The following TAFA1 variants were observed in gnomAD, a reference collection of about 807,000 sequenced individuals.
The protein encoded by TAFA1 is chemokine-like protein TAFA-1.
A neutral mutation model predicts 18.5 loss-of-function variants in TAFA1; 4 were observed. That is an observed-to-expected ratio of 0.22 (90% confidence interval 0.11 to 0.49). The LOEUF (loss-of-function observed/expected upper bound fraction) is 0.49, where lower values mean the gene tolerates loss of function less well. Among genes scored for constraint, TAFA1 ranks in the 20% least tolerant of loss-of-function variants. TAFA1 has a pLI of 0.98. For synonymous variants in TAFA1, 56 were observed against 55.2 expected (o/e 1.01, Z -0.06); for missense variants, 147 against 169.0 (o/e 0.87, Z 0.72).
At chr3:68,152,953 G>T (rs1019345123) in intron 2 of TAFA1, among the ~76,000 whole-genome samples, 7 of 152,088 alleles carry the variant, frequency 4.6e-5, no homozygotes, top group African/African-American at 1.7e-4. Context: ...GGAATGGAGA[G>T]TGGGACCAGC....
At chr3:68,429,307 G>C (rs1322314800) in intron 3 of TAFA1, among the ~76,000 whole-genome samples, 3 of 151,874 alleles carry the variant, frequency 2.0e-5, no homozygotes, top group Non-Finnish European at 2.9e-5. Context: ...CTGTGTGCCA[G>C]ACTCTGTGTA....
At chr3:68,117,169 A>G (rs916643264) in intron 2 of TAFA1, among the ~76,000 whole-genome samples, 5 of 152,064 alleles carry the variant, frequency 3.3e-5, no homozygotes, top group African/African-American at 1.2e-4. Context: ...CTTCTTGGAA[A>G]CTTACTCTCC....
chr3:68,092,054 A>G (rs2065036085), intron 2 of TAFA1, among the ~76,000 whole-genome samples: 1 of 152,094 alleles, frequency 6.6e-6, no homozygotes, highest in Non-Finnish European at 1.5e-5. Flanking sequence ...TTATCTCCCA[A>G]ATCACAAAAC....
rs190675049 is a variant in TAFA1, at chr3:68,362,661, C to T, written c.119-54619C>T. Among the ~76,000 whole-genome samples the T allele has an allele frequency of 2.2e-4, 33 of 152,204 alleles. No homozygotes were observed. The East Asian group carries it at 6.2e-3, about 29-fold the overall frequency. ...TGGAAATGCAGTTCAACCCTTCCTG[C>T]AGTGAATGTGAAGTCATAAGGAGTT... is the stretch of plus-strand genomic sequence containing the variant. On this transcript the variant is annotated intron_variant, in intron 2 of 4. Transcript: ENST00000478136.
chr3:68,508,817 G>A (rs1284765387), intron 3 of TAFA1, among the ~76,000 whole-genome samples: 1 of 152,046 alleles, frequency 6.6e-6, no homozygotes, highest in Non-Finnish European at 1.5e-5. Flanking sequence ...ATTAAATAAA[G>A]TGGTATAGAT....
At chr3:68,274,057 A>C (rs886671555) in intron 2 of TAFA1, among the ~76,000 whole-genome samples, 2 of 152,190 alleles carry the variant, frequency 1.3e-5, no homozygotes, top group African/African-American at 4.8e-5. Flanking sequence ...AAGAAATAAG[A>C]AATGAGTGCA....
intron 3 of TAFA1, among the ~76,000 whole-genome samples, chr3:68,503,654 TA>T (rs2072699060): frequency 6.6e-6 from 1 of 152,184 alleles, no homozygotes; most frequent in Non-Finnish European, 1.5e-5. Flanking sequence ...TTGTACACTT[TA>T]AAATACTTGA....
intron 2 of TAFA1, among the ~76,000 whole-genome samples, chr3:68,373,341 C>G (rs1290543707): frequency 6.6e-6 from 1 of 152,072 alleles, no homozygotes; most frequent in Non-Finnish European, 1.5e-5. Context: ...AACTGAGGTT[C>G]AGAAATCATG....
intron 2 of TAFA1, among the ~76,000 whole-genome samples, chr3:68,126,284 A>C (rs1319274368): frequency 6.6e-6 from 1 of 152,202 alleles, no homozygotes; most frequent in Non-Finnish European, 1.5e-5. Flanking sequence ...ATGCTAGCTG[A>C]ATGATGGAGT....
At chr3:68,165,067 GCCAA>G (rs2065968259) in intron 2 of TAFA1, among the ~76,000 whole-genome samples, 1 of 152,140 alleles carries the variant, frequency 6.6e-6, no homozygotes, top group African/African-American at 2.4e-5. Flanking sequence ...TAAAGTTCAG[GCCAA>G]GGGACAGCAA....
intron 2 of TAFA1, among the ~76,000 whole-genome samples, chr3:68,241,401 T>A (rs902341959): frequency 1.3e-5 from 2 of 152,136 alleles, no homozygotes; most frequent in African/African-American, 4.8e-5. Context: ...CAATACTATT[T>A]CCACAGGAGA....
Position 68,341,485 on chromosome 3 carries a change from A to C in TAFA1, c.119-75795A>C, listed in dbSNP as rs150596745. Among the ~76,000 whole-genome samples, 64 of 152,326 alleles carry C rather than the reference A, an allele frequency of 4.2e-4. No homozygotes were observed. The East Asian group carries it at 9.8e-3, about 23-fold the overall frequency. The stretch of plus-strand genomic sequence containing the variant: ...AATTTGGGGAGGTTCAAACTCTTGC[A>C]GCTAGAGGCTGCATGGCTCCTAAAC... On this transcript the variant is annotated intron_variant, in intron 2 of 4. Coordinates refer to ENST00000478136, the MANE Select transcript of TAFA1 (RefSeq NM_213609.4).
rs1274157859 is a variant in TAFA1 at position 68,158,115 on chromosome 3, C to T, written c.118+151371C>T. Among the ~76,000 whole-genome samples the T allele has an allele frequency of 4.6e-5, 7 of 152,144 alleles. No homozygotes were observed. In the East Asian group the frequency reaches 1.4e-3, roughly 29 times the overall value. ...GCAACCCAAATATTGAGGCCCAATCCAATGGCTCTGCTTGCCTTTTATTCG... is the reference window on the plus strand; with the variant it reads ...GCAACCCAAATATTGAGGCCCAATCTAATGGCTCTGCTTGCCTTTTATTCG... On this transcript the variant is annotated intron_variant, in intron 2 of 4. Coordinates refer to ENST00000478136, the MANE Select transcript of TAFA1 (RefSeq NM_213609.4).
chr3:68,092,017 T>C (rs564103892), intron 2 of TAFA1, among the ~76,000 whole-genome samples: 2 of 152,244 alleles, frequency 1.3e-5, no homozygotes, highest in African/African-American at 4.8e-5. Flanking sequence ...CAACATCCAG[T>C]TCAAAGCAAT....
chr3:68,237,148 G>A (rs1407088729), intron 2 of TAFA1, among the ~76,000 whole-genome samples: 1 of 152,198 alleles, frequency 6.6e-6, no homozygotes, highest in East Asian at 1.9e-4. Flanking sequence ...AGGTTCTGGA[G>A]ACTGGCAAGT....
chr3:68,376,568 G>A (rs1363126496), intron 2 of TAFA1, among the ~76,000 whole-genome samples: 3 of 152,034 alleles, frequency 2.0e-5, no homozygotes, highest in African/African-American at 4.8e-5. Flanking sequence ...CATCCATGTC[G>A]CTACAAAGGA....
chr3:67,999,923 G>A (rs1482757295), upstream of TAFA1, among the ~76,000 whole-genome samples: 1 of 151,826 alleles, frequency 6.6e-6, no homozygotes, highest in Admixed American at 6.6e-5. Flanking sequence ...TGAGTAGTTG[G>A]AATTACAGGC....
At chr3:68,120,389 C>T (rs77127496) in intron 2 of TAFA1, among the ~76,000 whole-genome samples, 16,910 of 151,854 alleles carry the variant, frequency 0.11, 994 homozygotes, top group Middle Eastern at 0.16. Context: ...GTTGGGATTA[C>T]AGGTGTACAG....
At position 68,138,699 on chromosome 3, in the gene TAFA1, G is replaced by A. The variant is rs182571376; in HGVS notation, c.118+131955G>A. ...TCCTCATGTATAAGATGGAAACTCC[G>A]TCTACATGAGCAGTTTATATAAAAT... On this transcript the variant is annotated intron_variant, in intron 2 of 4. Transcript: ENST00000478136. 7.0e-4 allele frequency among the ~76,000 whole-genome samples: 107 copies of A among 152,264 alleles called. No individual in the cohort carries two copies. The East Asian group carries it at 7.1e-3, about 10-fold the overall frequency.
Sources: gnomAD v4.1 joint callset for allele counts (sites outside exome capture counted in the v4.1 genomes callset) on GRCh38, gnomAD v4.1.1 for gene constraint, MANE v1.5 for transcripts, NCBI Gene and HGNC (gene_info 2026-07-23, HGNC 2026-07-21) for gene names.